The following SMARCC1 variants were observed in gnomAD, a reference collection of about 807,000 sequenced individuals.
SMARCC1 encodes SWI/SNF complex subunit SMARCC1.
In SMARCC1, 43 loss-of-function variants were observed where a neutral mutation model predicts 147.4. The ratio of observed to expected loss-of-function variants is 0.29; its 90% confidence interval spans 0.23 to 0.38. SMARCC1 has a LOEUF of 0.38. Among genes scored for constraint, SMARCC1 ranks in the 10% least tolerant of loss-of-function variants. SMARCC1 has a pLI of 1.00. For missense variants in SMARCC1, 1,119 were observed against 1,381.1 expected (o/e 0.81, Z 3.01); for synonymous variants, 495 against 484.4 (o/e 1.02, Z -0.29).
chr3:47,638,372 G>A (rs1559631762), intron 22 of SMARCC1, among the ~76,000 whole-genome samples: 2 of 152,114 alleles, frequency 1.3e-5, no homozygotes, highest in Admixed American at 6.6e-5. Context: ...GAATTACGGC[G>A]TGAGCCACCG....
At chr3:47,696,677 C>T (rs1185891736) in intron 11 of SMARCC1, among the ~76,000 whole-genome samples, 1 of 151,824 alleles carries the variant, frequency 6.6e-6, no homozygotes, top group South Asian at 2.1e-4. Context: ...CACCACCACA[C>T]CCGGCTAATT....
At chr3:47,622,762 C>G (rs1228953959) in intron 24 of SMARCC1, among the ~76,000 whole-genome samples, 1 of 152,194 alleles carries the variant, frequency 6.6e-6, no homozygotes, top group Non-Finnish European at 1.5e-5. Flanking sequence ...CACTCTTATA[C>G]AAAGCCTCTC....
At chr3:47,712,035 C>G (rs540789185) in intron 8 of SMARCC1, among the ~76,000 whole-genome samples, 3 of 152,076 alleles carry the variant, frequency 2.0e-5, no homozygotes, top group Non-Finnish European at 4.4e-5. Context: ...GAGTTCAAGA[C>G]CAGCCTGACC....
At chr3:47,724,382 T>C (rs997449141) in intron 6 of SMARCC1, among the ~76,000 whole-genome samples, 2 of 152,158 alleles carry the variant, frequency 1.3e-5, no homozygotes, top group Non-Finnish European at 2.9e-5. Flanking sequence ...GTCACAATAA[T>C]ACAAATACTA....
At chr3:47,658,827 G>A (rs1187403213) in intron 21 of SMARCC1, among the ~76,000 whole-genome samples, 1 of 152,090 alleles carries the variant, frequency 6.6e-6, no homozygotes, top group African/African-American at 2.4e-5. Flanking sequence ...TATAACAAGA[G>A]ACAGAATGAG....
intron 11 of SMARCC1, among the ~76,000 whole-genome samples, chr3:47,695,632 T>G (rs1395187219): frequency 6.6e-6 from 1 of 150,640 alleles, no homozygotes. Flanking sequence ...TAGGGCATGG[T>G]GGAAGGCACC....
At chr3:47,746,202 A>C in intron 2 of SMARCC1, 1 of 404,498 alleles carries the variant, frequency 2.5e-6, no homozygotes, top group Non-Finnish European at 4.4e-6. Flanking sequence ...TAATCCCAAC[A>C]CTCTGGGAGC....
chr3:47,646,970 A>G (rs762502630), intron 21 of SMARCC1, among the ~76,000 whole-genome samples: 10 of 152,128 alleles, frequency 6.6e-5, no homozygotes, highest in Admixed American at 1.3e-4. Flanking sequence ...ACCCAAGCAA[A>G]ACTAACTGTG....
intron 21 of SMARCC1, 136 bp downstream of exon 21, chr3:47,661,156 CAT>C (rs1239780859): frequency 4.9e-6 from 3 of 617,458 alleles, no homozygotes; most frequent in Non-Finnish European, 7.8e-6. Flanking sequence ...GAAAAAAAAT[CAT>C]GTACTAATCT....
chr3:47,638,967 G>A (rs992343636), intron 21 of SMARCC1, among the ~76,000 whole-genome samples, 187 bp from the exon 22 acceptor site: 2 of 152,142 alleles, frequency 1.3e-5, no homozygotes, highest in African/African-American at 4.8e-5. Context: ...TCAAAAACAG[G>A]TGAAAAGTAA....
intron 15 of SMARCC1, chr3:47,680,119 G>C (rs1268329456): frequency 4.3e-6 from 1 of 235,042 alleles, no homozygotes; most frequent in Non-Finnish European, 8.1e-6. Context: ...TACTTCAAGA[G>C]GCAGAGATGG....
chr3:47,642,514 C>T (rs1014078768), intron 21 of SMARCC1, among the ~76,000 whole-genome samples: 1 of 151,930 alleles, frequency 6.6e-6, no homozygotes, highest in Non-Finnish European at 1.5e-5. Context: ...GGCTTGAACC[C>T]GGGTGGTAGA....
chr3:47,744,156 G>C (rs1576428558), intron 3 of SMARCC1, among the ~76,000 whole-genome samples: 1 of 152,178 alleles, frequency 6.6e-6, no homozygotes, highest in East Asian at 1.9e-4. Context: ...TGCTACTTTA[G>C]TCAATATCTT....
chr3:47,651,193 A>C (rs1366785764), intron 21 of SMARCC1, among the ~76,000 whole-genome samples: 1 of 152,028 alleles, frequency 6.6e-6, no homozygotes, highest in Non-Finnish European at 1.5e-5. Flanking sequence ...GGTCCCAGCT[A>C]TTGGGGAGGC....
At chr3:47,663,808 T>C (rs964867353) in intron 19 of SMARCC1, 1 of 1,581,342 alleles carries the variant, frequency 6.3e-7, no homozygotes, top group East Asian at 2.2e-5. Flanking sequence ...ACAGCCTCTA[T>C]TCCTTCCACC....
chr3:47,696,542 CAG>C (rs2033855112), intron 11 of SMARCC1, among the ~76,000 whole-genome samples: 1 of 145,486 alleles, frequency 6.9e-6, no homozygotes, highest in African/African-American at 2.5e-5. Context: ...TTTTTTGAAA[CAG>C]AGCTTCACTC....
chr3:47,680,954 A>G (rs962302920), intron 14 of SMARCC1, among the ~76,000 whole-genome samples: 5 of 152,182 alleles, frequency 3.3e-5, no homozygotes, highest in African/African-American at 9.7e-5. Context: ...ACTAGTTTCT[A>G]TGTATTAACA....
intron 19 of SMARCC1, among the ~76,000 whole-genome samples, chr3:47,666,439 G>C (rs1215486644): frequency 7.5e-6 from 1 of 134,228 alleles, no homozygotes; most frequent in Non-Finnish European, 1.6e-5. Context: ...GTGTTCTACA[G>C]ATCTCTACCT....
chr3:47,637,227 A>G (rs1474321667), intron 22 of SMARCC1, among the ~76,000 whole-genome samples: 1 of 152,238 alleles, frequency 6.6e-6, no homozygotes, highest in East Asian at 1.9e-4. Context: ...GAAATTAAAA[A>G]TGTGAAGTAC....
Sources: allele counts gnomAD v4.1 joint callset (sites outside exome capture counted in the v4.1 genomes callset), GRCh38; gene constraint gnomAD v4.1.1; transcripts MANE v1.5; gene names NCBI Gene and HGNC (gene_info 2026-07-23, HGNC 2026-07-21).